DKK2: variants seen among roughly 807,000 people sequenced by gnomAD.
DKK2 encodes dickkopf-related protein 2.
DKK2 carries 11 observed loss-of-function variants against 28.1 expected under a neutral mutation model. The observed-to-expected ratio is 0.39, with a 90% confidence interval of 0.25 to 0.65. The LOEUF is 0.65. Among genes scored for constraint, DKK2 ranks in the 30% least tolerant of loss-of-function variants. DKK2 has a pLI of 0.47. For synonymous variants in DKK2, 135 were observed against 126.5 expected, an observed-to-expected ratio of 1.07 and a Z score of -0.45; for missense variants, 326 against 335.5, an observed-to-expected ratio of 0.97 and a Z score of 0.22.
intron 1 of DKK2, among the ~76,000 whole-genome samples, chr4:106,932,598 C>A (rs1041560284): frequency 6.6e-6 from 1 of 152,048 alleles, no homozygotes; most frequent in Non-Finnish European, 1.5e-5. Flanking sequence ...TAGACCCATC[C>A]CCACTCATTT....
In DKK2 at chr4:106,962,491, A is replaced by ATGTGTGTG. The variant is rs59831895; in HGVS notation, c.223-36550_223-36543dup. On this transcript the variant is annotated intron_variant, in intron 1 of 3. Transcript: ENST00000285311. ...TTCAAGAAATGGAGCCAGAAAAACT[A>ATGTGTGTG]TGTGTGTGTGTGTGTGTGTGTGTGT... is the stretch of plus-strand genomic sequence containing the variant. 7.6e-4 allele frequency among the ~76,000 whole-genome samples: 89 copies of ATGTGTGTG among 117,692 alleles called. 1 individual carries two copies. Among genetic ancestry groups the ATGTGTGTG allele is most frequent in the East Asian group, 4.4e-3 (15 of 3,382 alleles). The allele number at this position is 117,692 out of a possible 152,430, so 77.2% of individuals were successfully genotyped here. A position where few individuals can be genotyped will look rare whatever the true frequency, so the allele number is the denominator to read the frequency against.
chr4:107,016,397 T>C (rs1017095629), intron 1 of DKK2, among the ~76,000 whole-genome samples: 4 of 151,938 alleles, frequency 2.6e-5, no homozygotes, highest in African/African-American at 9.7e-5. Context: ...AATTTGTTTC[T>C]AGAATACCAA....
At chr4:107,025,182 C>T (rs1006442771) in intron 1 of DKK2, among the ~76,000 whole-genome samples, 1 of 152,162 alleles carries the variant, frequency 6.6e-6, no homozygotes, top group Non-Finnish European at 1.5e-5. Context: ...GCTTCCAGCA[C>T]CCCTCACTGG....
chr4:106,965,577 G>A (rs116338313), intron 1 of DKK2, among the ~76,000 whole-genome samples: 3,962 of 151,970 alleles, frequency 0.026, 61 homozygotes, highest in Non-Finnish European at 0.037. Flanking sequence ...AAATCCAGTG[G>A]TACTTATAGT....
intron 1 of DKK2, among the ~76,000 whole-genome samples, chr4:106,952,764 C>T (rs1204034075): frequency 6.6e-6 from 1 of 152,084 alleles, no homozygotes. Flanking sequence ...TCAACTACTT[C>T]TAGGGAAAGA....
chr4:107,017,126 T>G (rs17037216), intron 1 of DKK2, among the ~76,000 whole-genome samples: 7,879 of 152,078 alleles, frequency 0.052, 331 homozygotes, highest in African/African-American at 0.12. Flanking sequence ...TTTCTTAGGT[T>G]TCTCTATTTC....
chr4:106,995,443 A>T (rs1202539946), intron 1 of DKK2, among the ~76,000 whole-genome samples: 1 of 152,172 alleles, frequency 6.6e-6, no homozygotes, highest in Admixed American at 6.5e-5. Context: ...ATGAAATAAG[A>T]TACACAGAAC....
chr4:106,993,816 G>C (rs937649450), intron 1 of DKK2, among the ~76,000 whole-genome samples: 2 of 152,146 alleles, frequency 1.3e-5, no homozygotes, highest in African/African-American at 4.8e-5. Flanking sequence ...GTCGGAAGCT[G>C]CGGGGAAAAT....
At chr4:106,962,354 G>A (rs1722698188) in intron 1 of DKK2, among the ~76,000 whole-genome samples, 1 of 152,026 alleles carries the variant, frequency 6.6e-6, no homozygotes, top group Non-Finnish European at 1.5e-5. Flanking sequence ...GCAATCCTGA[G>A]CACATAGAAA....
chr4:106,936,760 C>G (rs1383549922), intron 1 of DKK2, among the ~76,000 whole-genome samples: 1 of 152,076 alleles, frequency 6.6e-6, no homozygotes, highest in Non-Finnish European at 1.5e-5. Context: ...AGACTAACAG[C>G]GGATCTCTCA....
chr4:106,939,145 T>G (rs1724649369), intron 1 of DKK2, among the ~76,000 whole-genome samples: 1 of 152,166 alleles, frequency 6.6e-6, no homozygotes, highest in African/African-American at 2.4e-5. Flanking sequence ...TAAAGGGCAT[T>G]CAATTAGGAA....
chr4:106,964,020 T>C (rs1306488931), intron 1 of DKK2, among the ~76,000 whole-genome samples: 3 of 152,196 alleles, frequency 2.0e-5, no homozygotes, highest in African/African-American at 7.2e-5. Context: ...TGTTGCATTT[T>C]TCTATGTGTC....
intron 1 of DKK2, among the ~76,000 whole-genome samples, chr4:106,928,208 G>T (rs1292130681): frequency 6.6e-6 from 1 of 152,016 alleles, no homozygotes; most frequent in East Asian, 1.9e-4. Context: ...ATATTTGAAT[G>T]GGATTACAAT....
intron 1 of DKK2, among the ~76,000 whole-genome samples, chr4:106,933,192 G>A (rs935806112): frequency 4.6e-5 from 7 of 152,110 alleles, no homozygotes; most frequent in African/African-American, 1.2e-4. Flanking sequence ...AGGGAAACAC[G>A]GCTATATAGA....
chr4:106,940,270 C>A (rs1724673383), intron 1 of DKK2, among the ~76,000 whole-genome samples: 1 of 152,194 alleles, frequency 6.6e-6, no homozygotes, highest in African/African-American at 2.4e-5. Flanking sequence ...CAAGAAAAAA[C>A]AAATAACCCC....
rs755694740 is a variant in DKK2, at chr4:107,035,409, C to T, written c.183G>A (p.Leu61=). The T allele has an allele frequency of 1.5e-5, 24 of 1,614,112 alleles. No individual in the cohort carries two copies. The South Asian group carries it at 2.3e-4, about 16-fold the overall frequency. Residue 61 remains leucine, a synonymous_variant, in exon 1 of 4, where the codon CTG becomes CTA. Transcript: ENST00000285311. Reference sequence around the variant, plus strand: ...TGCCCTTCTTACTGCCGCCGAATGCCAGTCCTTGGTACATGCCCGCAGATC... The same window carrying T: ...TGCCCTTCTTACTGCCGCCGAATGCTAGTCCTTGGTACATGCCCGCAGATC... ...ANRSAGMYQG[L]AFGGSKKGKN...
intron 1 of DKK2, among the ~76,000 whole-genome samples, chr4:106,962,559 A>T (rs1327008940): frequency 6.1e-5 from 9 of 146,710 alleles, no homozygotes; most frequent in Non-Finnish European, 1.1e-4. Context: ...GTGTGAATGC[A>T]GAAGAATGAA....
intron 1 of DKK2, among the ~76,000 whole-genome samples, chr4:107,026,963 C>T (rs1578383507): frequency 6.6e-6 from 1 of 151,734 alleles, no homozygotes; most frequent in Admixed American, 6.6e-5. Context: ...AACTGTTGAG[C>T]GAGCTGGAGG....
At chr4:106,952,434 A>T (rs114762059) in intron 1 of DKK2, among the ~76,000 whole-genome samples, 1,630 of 152,274 alleles carry the variant, frequency 0.011, 31 homozygotes, top group African/African-American at 0.036. Flanking sequence ...GAACTTTCTT[A>T]AGCCATAGAA....
Sources: gnomAD v4.1 joint callset for allele counts (sites outside exome capture counted in the v4.1 genomes callset) on GRCh38, gnomAD v4.1.1 for gene constraint, MANE v1.5 for transcripts, NCBI Gene and HGNC (gene_info 2026-07-23, HGNC 2026-07-21) for gene names.